The following DYNC2I1 variants were observed in gnomAD, a reference collection of about 807,000 sequenced individuals.
The protein encoded by DYNC2I1 is dynein 2 intermediate chain 1, also known as cytoplasmic dynein 2 intermediate chain 1.
A neutral mutation model predicts 133.4 loss-of-function variants in DYNC2I1; 89 were observed. The ratio of observed to expected loss-of-function variants is 0.67; its 90% CI spans 0.56 to 0.80. The LOEUF is 0.80. DYNC2I1 is among the 30% of genes least tolerant of loss of function. DYNC2I1 has a pLI of 0.00. For missense variants in DYNC2I1, 1,291 were observed against 1,314.5 expected (o/e 0.98, Z 0.28); for synonymous variants, 504 against 484.3 (o/e 1.04, Z -0.54).
intron 14 of DYNC2I1, 67 bp from the exon 15 acceptor site, chr7:158,918,673 A>T (rs1848721246): frequency 1.3e-6 from 2 of 1,553,072 alleles, no homozygotes; most frequent in Non-Finnish European, 1.8e-6. Context: ...TGAAAAGGTA[A>T]TTTTTTTTTG....
upstream of DYNC2I1, among the ~76,000 whole-genome samples, chr7:158,855,900 T>C (rs1584916064): frequency 6.6e-6 from 1 of 152,250 alleles, no homozygotes; most frequent in Middle Eastern, 3.4e-3. Context: ...GAATATAATT[T>C]GTTAAGTGCA....
chr7:158,872,447 A>G (rs1842970042), intron 3 of DYNC2I1, among the ~76,000 whole-genome samples: 1 of 152,192 alleles, frequency 6.6e-6, no homozygotes, highest in South Asian at 2.1e-4. Context: ...AGTCTGGCCA[A>G]CATGGTGAGA....
At chr7:158,925,034 G>A (rs904279887) in intron 17 of DYNC2I1, among the ~76,000 whole-genome samples, 1 of 152,122 alleles carries the variant, frequency 6.6e-6, no homozygotes, top group African/African-American at 2.4e-5. Context: ...GGGATTACAG[G>A]CATAAGCCAC....
intron 4 of DYNC2I1, among the ~76,000 whole-genome samples, chr7:158,877,922 C>T (rs1843516748): frequency 6.6e-6 from 1 of 152,250 alleles, no homozygotes; most frequent in Non-Finnish European, 1.5e-5. Context: ...TCAGAGCTTG[C>T]TCAGGAGGGA....
intron 1 of DYNC2I1, among the ~76,000 whole-genome samples, chr7:158,862,955 G>A (rs192183443): frequency 4.7e-4 from 71 of 152,048 alleles, no homozygotes; most frequent in Admixed American, 1.0e-3. Flanking sequence ...TCATGGTCTC[G>A]CTGACTTCAG....
the DYNC2I1 span, among the ~76,000 whole-genome samples, chr7:158,848,220 A>C: frequency 6.6e-6 from 1 of 152,060 alleles, no homozygotes; most frequent in Admixed American, 6.6e-5. Context: ...GAACTGCTCA[A>C]CTCTCCCTAT....
chr7:158,941,928 G>T lies in DYNC2I1; in HGVS notation c.2782G>T (p.Gly928Cys). Residue 928 changes from glycine (G) to cysteine (C), a missense_variant, in exon 24 of 25, where the codon GGC (glycine) becomes TGC (cysteine). By Grantham distance (159) the Gly-to-Cys change is radical. Transcript: ENST00000407559. ...SPFGEPIFLA[G>C]CSDGSIRLHQ... ...TGTTCTTTCTTCCTGGTCATAGGCC[G>T]GCTGTTCGGACGGAAGCATCAGGCT... is the stretch of plus-strand genomic sequence containing the variant. 2 of 1,600,526 alleles carry T rather than the reference G, an allele frequency of 1.2e-6. No individual in the cohort carries two copies. The highest frequency in any genetic ancestry group is 1.7e-6 in the Non-Finnish European group (2 of 1,173,612).
intron 23 of DYNC2I1, among the ~76,000 whole-genome samples, chr7:158,939,784 CA>C (rs1212222866): frequency 3.3e-5 from 5 of 152,048 alleles, no homozygotes; most frequent in African/African-American, 1.2e-4. Flanking sequence ...GTATTCTATA[CA>C]ACTAGAAACC....
At chr7:158,911,269 A>G (rs187365250) in intron 11 of DYNC2I1, among the ~76,000 whole-genome samples, 3 of 152,304 alleles carry the variant, frequency 2.0e-5, no homozygotes, top group East Asian at 3.9e-4. Flanking sequence ...GTGTTAGCTC[A>G]GGCATACGCA....
intron 4 of DYNC2I1, among the ~76,000 whole-genome samples, chr7:158,953,947 G>A (rs1258206530): frequency 6.6e-6 from 1 of 152,114 alleles, no homozygotes; most frequent in Non-Finnish European, 1.5e-5. Flanking sequence ...GTGGGTGGCT[G>A]TGTCCCCACC....
intron 4 of DYNC2I1, among the ~76,000 whole-genome samples, chr7:158,877,389 A>G (rs1351249026): frequency 1.3e-5 from 2 of 152,206 alleles, no homozygotes; most frequent in East Asian, 3.8e-4. Flanking sequence ...TTTTTTCTTT[A>G]AATTATAAAG....
At chr7:158,917,930 T>C (rs1202190176) in intron 14 of DYNC2I1, among the ~76,000 whole-genome samples, 1 of 152,084 alleles carries the variant, frequency 6.6e-6, no homozygotes, top group Non-Finnish European at 1.5e-5. Flanking sequence ...TGTCTCTCAC[T>C]CTCCCGTTCT....
rs1847090754 is a variant in DYNC2I1, at chr7:158,908,754, G to A, written c.1460+2663G>A. Reference sequence around the variant, plus strand: ...TTCCCCTGAGCCGGAGAGGCTGGGCGGTCGGGAGCTGGAGCCATGGCCGGC... The same window carrying A: ...TTCCCCTGAGCCGGAGAGGCTGGGCAGTCGGGAGCTGGAGCCATGGCCGGC... On this transcript the variant is annotated intron_variant, in intron 11 of 24. Transcript: ENST00000407559. 2.6e-5 allele frequency among the ~76,000 whole-genome samples: 4 copies of A among 152,196 alleles called. No individual in the cohort carries two copies. The South Asian group carries it at 8.3e-4, about 32-fold the overall frequency.
At chr7:158,914,386 A>G in intron 14 of DYNC2I1, 65 bp downstream of exon 14, 5 of 1,289,094 alleles carry the variant, frequency 3.9e-6, no homozygotes, top group Non-Finnish European at 3.2e-6. Flanking sequence ...CTACATAGAA[A>G]CATAGGAGCT....
intron 7 of DYNC2I1, among the ~76,000 whole-genome samples, chr7:158,889,002 A>T (rs1272499394): frequency 6.6e-6 from 1 of 150,882 alleles, no homozygotes; most frequent in African/African-American, 2.4e-5. Context: ...ATTGGTATGT[A>T]TATTTAGGAG....
intron 12 of DYNC2I1, among the ~76,000 whole-genome samples, chr7:158,912,447 T>G (rs1396211310): frequency 6.6e-6 from 1 of 152,142 alleles, no homozygotes; most frequent in African/African-American, 2.4e-5. Context: ...GCTTTTACAA[T>G]TTTTAAATTT....
intron 23 of DYNC2I1, among the ~76,000 whole-genome samples, chr7:158,940,185 A>G (rs1851199629): frequency 1.3e-5 from 2 of 152,078 alleles, no homozygotes; most frequent in Non-Finnish European, 1.5e-5. Flanking sequence ...TGTGGAAGAC[A>G]TTTTTTCCCA....
At chr7:158,910,788 G>A (rs946884464) in intron 11 of DYNC2I1, among the ~76,000 whole-genome samples, 6 of 150,206 alleles carry the variant, frequency 4.0e-5, no homozygotes, top group East Asian at 4.0e-4. Flanking sequence ...TGTCAGGCCT[G>A]TGTGCGCAGG....
At chr7:158,926,063 A>T (rs1849583067) in intron 17 of DYNC2I1, 124 bp from the exon 18 acceptor site, 2 of 724,972 alleles carry the variant, frequency 2.8e-6, no homozygotes, top group Non-Finnish European at 4.8e-6. Flanking sequence ...TGTTTTGGGA[A>T]GATGTGTGGA....
Sources: gnomAD v4.1 joint callset for allele counts (sites outside exome capture counted in the v4.1 genomes callset) on GRCh38, gnomAD v4.1.1 for gene constraint, MANE v1.5 for transcripts, NCBI Gene and HGNC (gene_info 2026-07-23, HGNC 2026-07-21) for gene names.